Variants in SGK3 observed in about 807,000 individuals in gnomAD.
SGK3 encodes the protein serum/glucocorticoid regulated kinase family member 3.
A neutral mutation model predicts 68.5 loss-of-function variants in SGK3; 47 were observed. That is an observed-to-expected ratio of 0.69 (90% CI 0.54 to 0.87). SGK3 has a LOEUF of 0.87. SGK3 is among the 40% of genes least tolerant of loss of function. SGK3 has a pLI of 0.00. For synonymous variants in SGK3, 181 were observed against 189.1 expected, an observed-to-expected ratio of 0.96 and a Z score of 0.35; for missense variants, 479 against 575.5, an observed-to-expected ratio of 0.83 and a Z score of 1.72.
chr8:66,850,650 T>C (rs915388817), intron 15 of SGK3, among the ~76,000 whole-genome samples, 181 bp from the exon 16 acceptor site: 3 of 152,222 alleles, frequency 2.0e-5, no homozygotes, highest in African/African-American at 7.2e-5. Flanking sequence ...TAAGTAACTT[T>C]CTTTCAGTCT....
chr8:66,850,899 A>G lies in SGK3; in HGVS notation c.1299A>G (p.Pro433=), dbSNP rs558173411. The change falls in exon 16 of 17, where the codon CCA becomes CCG. Residue 433 remains proline, a synonymous_variant. Transcript: ENST00000521198. ...CTGACCTTGTACAAAAGAAGATTCC[A>G]CCACCATTTAATCCTAATGTGGTAA... ...SWADLVQKKI[P]PPFNPNVAGP... is the part of the protein sequence containing the mutation. 673 of 1,611,336 alleles carry G rather than the reference A, an allele frequency of 4.2e-4. 5 individuals carry two copies. The South Asian group carries it at 7.0e-3, about 17-fold the overall frequency.
chr8:66,714,009 G>A (rs936327223), intron 1 of SGK3, among the ~76,000 whole-genome samples: 1 of 152,168 alleles, frequency 6.6e-6, no homozygotes, highest in Non-Finnish European at 1.5e-5. Context: ...TGTGTAACAT[G>A]GTCTCTTTCA....
chr8:66,839,434 T>C (rs980825724), intron 10 of SGK3, among the ~76,000 whole-genome samples: 1 of 140,536 alleles, frequency 7.1e-6, no homozygotes, highest in Non-Finnish European at 1.5e-5. Flanking sequence ...CAGTTTTTAA[T>C]GTTATCAACT....
intron 1 of SGK3, among the ~76,000 whole-genome samples, chr8:66,718,449 A>ATGTG (rs34252246): frequency 4.9e-4 from 72 of 147,158 alleles, no homozygotes; most frequent in South Asian, 1.3e-3. Context: ...TATATATATT[A>ATGTG]TGTGTGTGTG....
At chr8:66,739,713 A>G (rs2130392366) in intron 1 of SGK3, among the ~76,000 whole-genome samples, 1 of 152,266 alleles carries the variant, frequency 6.6e-6, no homozygotes, top group Admixed American at 6.5e-5. Flanking sequence ...GGTAATTTAT[A>G]AAGGAAAGAG....
intron 1 of SGK3, among the ~76,000 whole-genome samples, chr8:66,722,848 C>A (rs182697739): frequency 1.3e-5 from 2 of 151,736 alleles, no homozygotes; most frequent in Admixed American, 6.6e-5. Flanking sequence ...AGGGACATCA[C>A]GTGGCGAAAA....
At chr8:66,781,694 T>C (rs1467639437) in intron 1 of SGK3, among the ~76,000 whole-genome samples, 2 of 152,246 alleles carry the variant, frequency 1.3e-5, no homozygotes, top group Non-Finnish European at 2.9e-5. Context: ...TCTTCAATAT[T>C]GTTTTAGTGC....
intron 3 of SGK3, among the ~76,000 whole-genome samples, chr8:66,803,283 G>A (rs980653202): frequency 1.2e-4 from 19 of 152,070 alleles, no homozygotes; most frequent in African/African-American, 4.1e-4. Context: ...TCTGTTCTTT[G>A]TATTTCCTAT....
chr8:66,825,364 C>T (rs904691271), intron 6 of SGK3, among the ~76,000 whole-genome samples: 1 of 147,834 alleles, frequency 6.8e-6, no homozygotes, highest in Non-Finnish European at 1.5e-5. Context: ...AGTCTCGCTC[C>T]GTCGCCCAGG....
chr8:66,831,149 T>G (rs1276702672), intron 7 of SGK3, 105 bp from the exon 8 acceptor site: 4 of 1,370,964 alleles, frequency 2.9e-6, no homozygotes, highest in Non-Finnish European at 4.1e-6. Flanking sequence ...GCTGAAGTGT[T>G]TTGTGCCTAA....
chr8:66,722,474 G>A (rs376105056), intron 1 of SGK3, among the ~76,000 whole-genome samples: 1 of 152,170 alleles, frequency 6.6e-6, no homozygotes, highest in South Asian at 2.1e-4. Context: ...GTAGAGATGG[G>A]GTTTCACCAG....
chr8:66,779,598 ATAT>A (rs199776169), intron 1 of SGK3, among the ~76,000 whole-genome samples: 3,849 of 125,080 alleles, frequency 0.031, 162 homozygotes, highest in African/African-American at 0.096. Context: ...ATATATATAT[ATAT>A]AAAACACATT....
chr8:66,805,346 C>T (rs765761627), intron 4 of SGK3, among the ~76,000 whole-genome samples: 9 of 151,540 alleles, frequency 5.9e-5, no homozygotes, highest in Non-Finnish European at 1.0e-4. Context: ...GGTGAAACCC[C>T]GTCTCTACTA....
At chr8:66,819,790 T>G (rs1415301021) in intron 5 of SGK3, among the ~76,000 whole-genome samples, 1 of 152,026 alleles carries the variant, frequency 6.6e-6, no homozygotes, top group African/African-American at 2.4e-5. Context: ...AGTTTTTGTT[T>G]TTTTTGTTTT....
At chr8:66,740,382 C>T (rs1805443888) in intron 1 of SGK3, among the ~76,000 whole-genome samples, 4 of 152,218 alleles carry the variant, frequency 2.6e-5, no homozygotes. Context: ...TCATTGACTT[C>T]CTTTACTATA....
intron 5 of SGK3, among the ~76,000 whole-genome samples, chr8:66,820,309 G>A (rs941628298): frequency 1.3e-5 from 2 of 152,052 alleles, no homozygotes; most frequent in African/African-American, 4.8e-5. Context: ...TATATACTAG[G>A]TGACTTTTTT....
chr8:66,854,852 TA>T (rs1810442274), intron 16 of SGK3, among the ~76,000 whole-genome samples: 1 of 152,110 alleles, frequency 6.6e-6, no homozygotes, highest in Admixed American at 6.6e-5. Context: ...TCTGAAGAAT[TA>T]AAACCTAGGT....
chr8:66,810,074 C>T (rs957454982), intron 4 of SGK3, among the ~76,000 whole-genome samples: 8 of 152,066 alleles, frequency 5.3e-5, no homozygotes, highest in African/African-American at 1.4e-4. Flanking sequence ...GTCCAACCCC[C>T]GTTCAAGAGA....
At chr8:66,767,328 CT>C (rs961476076) in intron 1 of SGK3, 17 of 946,558 alleles carry the variant, frequency 1.8e-5, no homozygotes, top group African/African-American at 1.0e-4. Context: ...AAGTATATAT[CT>C]TTTTTTCTGT....
Sources: allele counts gnomAD v4.1 joint callset (sites outside exome capture counted in the v4.1 genomes callset), GRCh38; gene constraint gnomAD v4.1.1; transcripts MANE v1.5; gene names NCBI Gene and HGNC (gene_info 2026-07-23, HGNC 2026-07-21).